Variants in DNAH1 observed in about 807,000 individuals in gnomAD.
The protein encoded by DNAH1 is axonemal beta dynein heavy chain 1.
DNAH1 carries 327 observed loss-of-function variants against 484.3 expected under a neutral mutation model. That is an observed-to-expected ratio of 0.68 (90% CI 0.62 to 0.74). DNAH1 has a LOEUF of 0.74. Ranked by LOEUF, DNAH1 falls within the 30% of genes least tolerant of loss-of-function variation. The pLI is 0.00. For synonymous variants in DNAH1, 2,192 were observed against 2,191.9 expected, an observed-to-expected ratio of 1.00 and a Z score of 0.00; for missense variants, 5,052 against 5,546.8, an observed-to-expected ratio of 0.91 and a Z score of 2.83.
At chr3:52,332,450 C>T in intron 8 of DNAH1, 56 bp downstream of exon 8, 1 of 1,584,706 alleles carries the variant, frequency 6.3e-7, no homozygotes, top group Non-Finnish European at 8.6e-7. Flanking sequence ...AGGGAACCTT[C>T]CCATAGGAAG....
intron 77 of DNAH1, 83 bp from the exon 78 acceptor site, chr3:52,400,242 C>T (rs2153225960): frequency 8.9e-6 from 14 of 1,568,596 alleles, no homozygotes; most frequent in African/African-American, 1.3e-5. Flanking sequence ...TCAGCTTAGT[C>T]TGCCCACTGC....
intron 8 of DNAH1, among the ~76,000 whole-genome samples, chr3:52,339,636 A>C (rs1701859333): frequency 6.6e-6 from 1 of 152,184 alleles, no homozygotes. Context: ...ACAAAGCTAA[A>C]AGATGCTCTC....
chr3:52,361,335 C>T lies in DNAH1; in HGVS notation c.4857C>T (p.Phe1619=). 1 of 1,591,662 alleles carries T rather than the reference C, an allele frequency of 6.3e-7. No homozygotes were observed. The highest frequency in any genetic ancestry group is 1.1e-5 in the South Asian group (1 of 87,692). Residue 1619 remains phenylalanine (F), a synonymous_variant, in exon 29 of 78, where the codon TTC becomes TTT. Coordinates refer to ENST00000420323, the MANE Select transcript of DNAH1 (RefSeq NM_015512.5). This position sits in a 1 kb window ranked among gnomAD's most constrained non-coding sequence, Gnocchi z 5.6. ...TCGACTTCATGGCCATGGGCAAGTT[C>T]TTCAAGGGCCTGGCCAGGTGAGGCT... ...DQLDFMAMGK[F]FKGLASAGAW... is the part of the protein sequence containing the mutation.
Position 52,379,094 on chromosome 3 carries a change from A to G in DNAH1, c.7377+314A>G, listed in dbSNP as rs1029027279. 2.6e-5 allele frequency among the ~76,000 whole-genome samples: 4 copies of G among 152,178 alleles called. No individual in the cohort carries two copies. In the East Asian group the frequency reaches 7.7e-4, roughly 29 times the overall value. ...ACAGTGAGCAGGGTGCCCTCTGGGAACCAAAAACCCCAGGTGGAAGGAGGG... is the reference window on the plus strand; with the variant it reads ...ACAGTGAGCAGGGTGCCCTCTGGGAGCCAAAAACCCCAGGTGGAAGGAGGG... On this transcript the variant is annotated intron_variant, in intron 47 of 77. Coordinates refer to ENST00000420323, the MANE Select transcript of DNAH1 (RefSeq NM_015512.5). The surrounding 1 kb of genome is among the most constrained non-coding windows in gnomAD (Gnocchi z 4.4).
chr3:52,356,827 G>A, intron 22 of DNAH1, 49 bp downstream of exon 22: 2 of 1,552,270 alleles, frequency 1.3e-6, no homozygotes, highest in South Asian at 2.4e-5. Context: ...CAAGGGCCCT[G>A]GTCACATTGC....
At chr3:52,345,798 C>A in intron 10 of DNAH1, 92 bp downstream of exon 10, 1 of 1,287,848 alleles carries the variant, frequency 7.8e-7, no homozygotes, top group Non-Finnish European at 1.1e-6. Flanking sequence ...AGGCCAGGGT[C>A]AGTGGGCCAC....
chr3:52,387,510 C>CA, intron 56 of DNAH1, among the ~76,000 whole-genome samples: 1 of 152,206 alleles, frequency 6.6e-6, no homozygotes, highest in East Asian at 1.9e-4. Context: ...GGGCACATCC[C>CA]ACACCCATTT....
At chr3:52,360,524 T>C in intron 28 of DNAH1, 100 bp downstream of exon 28, 1 of 988,404 alleles carries the variant, frequency 1.0e-6, no homozygotes, top group Non-Finnish European at 1.5e-6. Flanking sequence ...GGTGATCTAG[T>C]CCATCAGAGC....
At chr3:52,311,369 C>T (rs1165235245), upstream of DNAH1, among the ~76,000 whole-genome samples, 1 of 152,178 alleles carries the variant, frequency 6.6e-6, no homozygotes, top group East Asian at 1.9e-4. Context: ...TGGGTTGGCT[C>T]ATGCTTTTTT....
Position 52,370,165 on chromosome 3 carries a change from G to A in DNAH1, c.6194G>A (p.Cys2065Tyr), listed in dbSNP as rs1703269646. 2 of 1,613,942 alleles carry A rather than the reference G, an allele frequency of 1.2e-6. No homozygotes were observed. The highest frequency in any genetic ancestry group is 1.7e-6 in the Non-Finnish European group (2 of 1,179,870). Residue 2065 changes from cysteine to tyrosine, a missense_variant, in exon 39 of 78, where the codon TGC (cysteine) becomes TAC (tyrosine). Coordinates refer to ENST00000420323, the MANE Select transcript of DNAH1 (RefSeq NM_015512.5). ...SVKEVIASTN[C>Y]NLTMSLLKLL... is the part of the protein sequence containing the mutation. ...AAGGAGGTGATCGCCTCAACCAACT[G>A]CAACCTGACCATGAGCCTCCTCAAG...
In DNAH1 at chr3:52,369,885, C is replaced by T. The variant is rs777783467; in HGVS notation, c.6004C>T (p.Arg2002Cys). 53 of 1,613,806 alleles carry T rather than the reference C, an allele frequency of 3.3e-5. No individual in the cohort carries two copies. The highest frequency in any genetic ancestry group is 4.2e-5 in the Non-Finnish European group (50 of 1,179,858). Reference sequence around the variant, plus strand: ...GGTGGCTTCACCAGCTACAGTCTCCCGCTGTGGCATGGTGTACCTGGAGCC... The same window carrying T: ...GGTGGCTTCACCAGCTACAGTCTCCTGCTGTGGCATGGTGTACCTGGAGCC... ...LAVASPATVS[R>C]CGMVYLEPSI... Residue 2002 changes from arginine (R) to cysteine (C), a missense_variant, in exon 38 of 78, where the codon CGC becomes TGC. Arg to Cys is a radical substitution (Grantham distance 180). Transcript: ENST00000420323.
At position 52,391,486 on chromosome 3, in the gene DNAH1, C is replaced by T. The variant is rs114919804; in HGVS notation, c.9935C>T (p.Thr3312Met). 6.8e-4 allele frequency: 1,103 copies of T among 1,613,122 alleles called. 7 individuals are homozygous for T. In the African/African-American group the frequency reaches 0.013, roughly 19 times the overall value. Residue 3312 changes from threonine (T) to methionine (M), a missense_variant, in exon 63 of 78, where the codon ACG (threonine) becomes ATG (methionine). By Grantham distance (81) the Thr-to-Met change is moderately conservative (BLOSUM62 -1). Around this residue, in one of 4 missense-constraint regions of DNAH1, gnomAD observed 2,929 missense variants for 3,409.4 expected, o/e 0.86. Coordinates refer to ENST00000420323, the MANE Select transcript of DNAH1 (RefSeq NM_015512.5). ...AACACGGTGCTGAAGCTGGGGGACA[C>T]GGTGATCCCCTACCATGAGGACTTC... ...QGNTVLKLGDTVIPYHEDFRM... is the reference protein window; with the variant it reads ...QGNTVLKLGDMVIPYHEDFRM...
chr3:52,389,321 G>A (rs1372404015), intron 59 of DNAH1, 140 bp from the exon 60 acceptor site: 8 of 1,289,636 alleles, frequency 6.2e-6, no homozygotes, highest in South Asian at 2.8e-5. Context: ...AAAGTCACCC[G>A]AAGTGGGATT....
chr3:52,373,632 C>A, intron 44 of DNAH1: 1 of 1,432,772 alleles, frequency 7.0e-7, no homozygotes, highest in Non-Finnish European at 9.8e-7. Context: ...TAGAGAACTT[C>A]AAAAACTACC....
intron 36 of DNAH1, among the ~76,000 whole-genome samples, chr3:52,367,956 T>C (rs183086574): frequency 6.6e-6 from 1 of 152,288 alleles, no homozygotes; most frequent in East Asian, 1.9e-4. Context: ...TGGGGCCTTA[T>C]AGTTAAGGGG....
Position 52,356,634 on chromosome 3 carries a change from G to A in DNAH1, c.3714G>A (p.Leu1238=), listed in dbSNP as rs554769766. The change falls in exon 22 of 78, where the codon CTG becomes CTA. Residue 1238 remains leucine (L), a synonymous_variant. Transcript: ENST00000420323. ...KLTQEVLEEW[L]NCQRSWLYLE... ...CCCAGGAGGTTCTGGAGGAGTGGCT[G>A]AACTGTCAGCGGTCCTGGCTCTACC... The A allele has an allele frequency of 1.2e-6, 2 of 1,613,580 alleles. No homozygotes were observed. The highest frequency in any genetic ancestry group is 2.2e-5 in the South Asian group (2 of 91,058).
intron 1 of DNAH1, among the ~76,000 whole-genome samples, chr3:52,320,317 A>T (rs1299843539): frequency 6.6e-6 from 1 of 152,202 alleles, no homozygotes; most frequent in Non-Finnish European, 1.5e-5. Context: ...CTGTCCTGGG[A>T]GGCAGCTGGC....
Position 52,362,253 on chromosome 3 carries a change from A to G in DNAH1, c.4981-135A>G. On this transcript the variant is annotated intron_variant, in intron 30 of 77. Coordinates refer to ENST00000420323, the MANE Select transcript of DNAH1 (RefSeq NM_015512.5). This position sits in a 1 kb window ranked among gnomAD's most constrained non-coding sequence, Gnocchi z 5.1. ...CAGATCCTGAGAGAGGATACAACCCATGATCAGGGGTCCAGGCCTGGCCTA... is the reference window on the plus strand; with the variant it reads ...CAGATCCTGAGAGAGGATACAACCCGTGATCAGGGGTCCAGGCCTGGCCTA... The G allele has an allele frequency of 1.4e-6, 1 of 708,380 alleles. No homozygotes were observed. The highest frequency in any genetic ancestry group is 2.4e-6 in the Non-Finnish European group (1 of 414,940). The allele number at this position is 708,380 out of a possible 1,614,324, so 43.9% of individuals were successfully genotyped here.
At chr3:52,360,467 C>A in intron 28 of DNAH1, 43 bp downstream of exon 28, 1 of 1,512,470 alleles carries the variant, frequency 6.6e-7, no homozygotes, top group Non-Finnish European at 9.1e-7. Flanking sequence ...GAGACCCTCC[C>A]TCTAGTTCTC....
Sources: allele counts gnomAD v4.1 joint callset (sites outside exome capture counted in the v4.1 genomes callset), GRCh38; gene constraint gnomAD v4.1.1; regional missense constraint gnomAD v4.1.1; non-coding constraint Gnocchi (gnomAD v3.1); transcripts MANE v1.5; gene names NCBI Gene and HGNC (gene_info 2026-07-23, HGNC 2026-07-21).